The following PCDHAC1 variants were observed in gnomAD, a reference collection of about 807,000 sequenced individuals.
The protein encoded by PCDHAC1 is protocadherin alpha-C1.
Under a neutral mutation model 60.0 loss-of-function variants are expected in PCDHAC1, and 42 were observed. The ratio of observed to expected loss-of-function variants is 0.70; its 90% CI spans 0.55 to 0.90. The LOEUF is 0.90. PCDHAC1 is among the 40% of genes least tolerant of loss of function. The pLI, the probability that PCDHAC1 is intolerant of heterozygous loss-of-function variation, is 0.00. For synonymous variants in PCDHAC1, 468 were observed against 499.3 expected, an observed-to-expected ratio of 0.94 and a Z score of 0.84; for missense variants, 1,160 against 1,222.3, an observed-to-expected ratio of 0.95 and a Z score of 0.76.
In PCDHAC1 at chr5:141,010,203, C is replaced by T; in HGVS notation, c.*266C>T. ...AGACCCAAGTTTCCTTTCTCCTCCG[C>T]CGCAAAGGAGAGGCTTCCCAGCCCC... On this transcript the variant is annotated 3_prime_UTR_variant, in exon 4 of 4. Coordinates refer to ENST00000253807, the MANE Select transcript of PCDHAC1 (RefSeq NM_018898.5). The T allele has an allele frequency of 1.3e-6, 2 of 1,552,032 alleles. No homozygotes were observed. Among genetic ancestry groups the T allele is most frequent in the Non-Finnish European group, 1.7e-6 (2 of 1,147,066 alleles).
At chr5:140,981,327 A>C (rs1330138417) in intron 2 of PCDHAC1, among the ~76,000 whole-genome samples, 1 of 152,196 alleles carries the variant, frequency 6.6e-6, no homozygotes, top group Non-Finnish European at 1.5e-5. Context: ...TAATCCCAGC[A>C]CTTTGGGAGG....
In PCDHAC1 at chr5:140,929,322, C is replaced by T; in HGVS notation, c.2430C>T (p.Ala810=). 6.5e-7 allele frequency: 1 copy of T among 1,540,684 alleles called. No individual in the cohort carries two copies. The highest frequency in any genetic ancestry group is 8.8e-7 in the Non-Finnish European group (1 of 1,141,432). The change falls in exon 1 of 4, where the codon GCC becomes GCT. Residue 810 remains alanine (A), a synonymous_variant. Transcript: ENST00000253807. ...NRKGDHANVN[A]MPRQPNPDWR... ...AAGGGGATCACGCTAATGTCAATGCCATGGTAAGCAAATTTTATGGAATTT... is the reference window on the plus strand; with the variant it reads ...AAGGGGATCACGCTAATGTCAATGCTATGGTAAGCAAATTTTATGGAATTT...
chr5:140,999,332 T>TTATAA (rs1554256746), intron 3 of PCDHAC1, among the ~76,000 whole-genome samples: 1 of 152,222 alleles, frequency 6.6e-6, no homozygotes, highest in Non-Finnish European at 1.5e-5. Flanking sequence ...TCTGTGTGAT[T>TTATAA]TATAAGCCTT....
intron 1 of PCDHAC1, chr5:140,966,963 G>C: frequency 6.2e-7 from 1 of 1,602,992 alleles, no homozygotes; most frequent in Non-Finnish European, 8.5e-7. Context: ...CGCGCGCTGG[G>C]GCTTGAGCTG....
Position 140,927,510 on chromosome 5 carries a change from G to A in PCDHAC1, c.618G>A (p.Arg206=). ...RATHLLVLTA[R]DGGLPARSGD... Reference sequence around the variant, plus strand: ...CCCACCTGCTGGTGCTTACAGCTCGGGACGGCGGGCTACCTGCCCGCTCAG... The same window carrying A: ...CCCACCTGCTGGTGCTTACAGCTCGAGACGGCGGGCTACCTGCCCGCTCAG... Residue 206 remains arginine (R), a synonymous_variant, in exon 1 of 4, where the codon CGG becomes CGA. Transcript: ENST00000253807. 3 of 1,614,090 alleles carry A rather than the reference G, an allele frequency of 1.9e-6. No homozygotes were observed. The highest frequency in any genetic ancestry group is 2.5e-6 in the Non-Finnish European group (3 of 1,180,040).
In PCDHAC1 at chr5:140,927,766, GAGGTGCA is replaced by G; in HGVS notation, c.877_883del (p.Val293Ter). On this transcript the variant is annotated frameshift_variant, in exon 1 of 4. Transcript: ENST00000253807. LOFTEE classifies it high-confidence loss of function. ...CTTTCACGTGCACCCTAAAAGTGGG[GAGGTGCA>G]AGTAGCTGCTTCACTAGGTCCGCCT... 1 of 1,614,234 alleles carries G rather than the reference GAGGTGCA, an allele frequency of 6.2e-7. No homozygotes were observed.
chr5:141,006,383 T>C (rs1431976303), intron 3 of PCDHAC1, among the ~76,000 whole-genome samples: 1 of 151,992 alleles, frequency 6.6e-6, no homozygotes, highest in African/African-American at 2.4e-5. Context: ...GGCTAAGTTT[T>C]TTCTATTTTT....
At chr5:140,934,196 C>T in intron 1 of PCDHAC1, among the ~76,000 whole-genome samples, 1 of 152,068 alleles carries the variant, frequency 6.6e-6, no homozygotes, top group East Asian at 1.9e-4. Context: ...CTTTTCATTT[C>T]TATTTCCTCA....
chr5:140,964,560 TGGGAGGAGATAAG>T (rs2095840156), intron 1 of PCDHAC1, among the ~76,000 whole-genome samples: 1 of 152,082 alleles, frequency 6.6e-6, no homozygotes, highest in Admixed American at 6.6e-5. Context: ...CTTGGAGGGC[TGGGAGGAGATAAG>T]GGGAGGAAAG....
chr5:140,954,208 A>C (rs568734009), intron 1 of PCDHAC1, among the ~76,000 whole-genome samples: 1 of 152,254 alleles, frequency 6.6e-6, no homozygotes, highest in Admixed American at 6.5e-5. Context: ...GGTTGATCCC[A>C]TGTTTTTGCT....
intron 1 of PCDHAC1, among the ~76,000 whole-genome samples, chr5:140,937,827 G>A (rs1328688983): frequency 2.6e-5 from 4 of 151,564 alleles, no homozygotes; most frequent in Non-Finnish European, 5.9e-5. Context: ...CAGGAGAATG[G>A]CATGAACCTG....
At chr5:140,972,132 A>C (rs1412850121) in intron 1 of PCDHAC1, among the ~76,000 whole-genome samples, 9 of 152,062 alleles carry the variant, frequency 5.9e-5, no homozygotes, top group African/African-American at 2.2e-4. Context: ...TCAGTGAGTT[A>C]CTACTATTTT....
intron 3 of PCDHAC1, among the ~76,000 whole-genome samples, chr5:140,991,251 A>G (rs2097441392): frequency 6.6e-6 from 1 of 152,306 alleles, no homozygotes; most frequent in South Asian, 2.1e-4. Context: ...GCAGTATTTG[A>G]ACTCATGTCT....
intron 3 of PCDHAC1, among the ~76,000 whole-genome samples, chr5:141,007,850 C>A (rs1299909821): frequency 6.6e-6 from 1 of 152,156 alleles, no homozygotes; most frequent in Non-Finnish European, 1.5e-5. Context: ...GACTCAAAGT[C>A]CTTAAAGGTC....
intron 1 of PCDHAC1, among the ~76,000 whole-genome samples, chr5:140,972,288 C>T (rs1263314074): frequency 2.0e-5 from 3 of 150,942 alleles, no homozygotes; most frequent in African/African-American, 4.9e-5. Context: ...CATAGATGTG[C>T]GCCACCGTGT....
rs1340141507 is a variant in PCDHAC1, at chr5:140,939,833, CTTG to C, written c.2433+10516_2433+10518del. 2.6e-5 allele frequency among the ~76,000 whole-genome samples: 4 copies of C among 152,224 alleles called. No individual in the cohort carries two copies. The East Asian group carries it at 7.7e-4, about 29-fold the overall frequency. ...AAGAAAAAGCAGTATTCTGACATTG[CTTG>C]TTGTTGTGTTCTGTATATGTCCATT... On this transcript the variant is annotated intron_variant, in intron 1 of 3. Transcript: ENST00000253807.
chr5:140,927,314 C>G lies in PCDHAC1; in HGVS notation c.422C>G (p.Ala141Gly). 6.2e-7 allele frequency: 1 copy of G among 1,614,194 alleles called. No individual in the cohort carries two copies. Among genetic ancestry groups the G allele is most frequent in the East Asian group, 2.2e-5 (1 of 44,880 alleles). ...ATCCCCGAGTTCCTGACGCCCGGAG[C>G]CCGCTTTACTCTCCCGAATGCCCAA... ...LHIPEFLTPG[A>G]RFTLPNAQDD... Residue 141 changes from alanine to glycine, a missense_variant, in exon 1 of 4, where the codon GCC becomes GGC. Physicochemically the swap from Ala to Gly is moderately conservative, Grantham distance 60. This residue lies in a region of PCDHAC1 where 1,113 missense variants were observed against 1,163.7 expected (regional missense o/e 0.96). Transcript: ENST00000253807.
At chr5:141,003,178 A>C (rs2098114996) in intron 3 of PCDHAC1, among the ~76,000 whole-genome samples, 1 of 152,180 alleles carries the variant, frequency 6.6e-6, no homozygotes, top group East Asian at 1.9e-4. Context: ...CTGAGGCTCA[A>C]CTCCATCAAC....
At chr5:141,005,220 C>T (rs2098201724) in intron 3 of PCDHAC1, among the ~76,000 whole-genome samples, 1 of 152,192 alleles carries the variant, frequency 6.6e-6, no homozygotes, top group Admixed American at 6.5e-5. Flanking sequence ...CAAGTATTTA[C>T]TAAACACCTG....
Sources: allele counts gnomAD v4.1 joint callset (sites outside exome capture counted in the v4.1 genomes callset), GRCh38; gene constraint gnomAD v4.1.1; regional missense constraint gnomAD v4.1.1; transcripts MANE v1.5; gene names NCBI Gene and HGNC (gene_info 2026-07-23, HGNC 2026-07-21).